Variants in SNX18 observed in about 807,000 individuals in gnomAD.
SNX18 encodes the protein sorting nexin 18.
SNX18 carries 35 observed loss-of-function variants against 48.7 expected under a neutral mutation model. The observed-to-expected ratio is 0.72, with a 90% CI of 0.55 to 0.95. The LOEUF (loss-of-function observed/expected upper bound fraction) is 0.95. Among genes scored for constraint, SNX18 ranks in the 40% least tolerant of loss-of-function variants. The pLI, the probability that SNX18 is intolerant of heterozygous loss-of-function variation, is 0.00. For missense variants in SNX18, 824 were observed against 871.0 expected, an observed-to-expected ratio of 0.95 and a Z score of 0.68; for synonymous variants, 492 against 384.7, an observed-to-expected ratio of 1.28 and a Z score of -3.26.
At position 54,545,464 on chromosome 5, in the gene SNX18, A is replaced by G. The variant is rs1189595182; in HGVS notation, c.*2032A>G. On this transcript the variant is annotated 3_prime_UTR_variant, in exon 2 of 2. Coordinates refer to ENST00000381410, the MANE Select transcript of SNX18 (RefSeq NM_001102575.2). ...AAACTTGTGCAATGGTAGCATGGAA[A>G]TTATCTGAGGTATATTGTATGATTG... 6 of 151,888 alleles carry G rather than the reference A, an allele frequency of 4.0e-5. No homozygotes were observed. Among genetic ancestry groups the G allele is most frequent in the Non-Finnish European group, 5.9e-5 (4 of 67,966 alleles). 9.4% of individuals were successfully genotyped at this position (151,888 alleles called of 1,614,324 possible).
chr5:54,547,669 G>T (rs750901834), downstream of SNX18, among the ~76,000 whole-genome samples: 2 of 152,216 alleles, frequency 1.3e-5, no homozygotes, highest in Non-Finnish European at 2.9e-5. Flanking sequence ...AGACTGGGAA[G>T]CATGCCAGAT....
At chr5:54,558,156 C>T in the SNX18 span, among the ~76,000 whole-genome samples, 6 of 152,200 alleles carry the variant, frequency 3.9e-5, no homozygotes, top group African/African-American at 1.4e-4. Flanking sequence ...CCCAACTTGT[C>T]TTTCTCCTGT....
At chr5:54,586,732 A>C in the SNX18 span, among the ~76,000 whole-genome samples, 1 of 152,188 alleles carries the variant, frequency 6.6e-6, no homozygotes, top group East Asian at 1.9e-4. Context: ...TTGAATTTCA[A>C]CATGAGTTTT....
intron 1 of SNX18, among the ~76,000 whole-genome samples, chr5:54,526,417 G>A (rs1762133163): frequency 6.6e-6 from 1 of 152,012 alleles, no homozygotes; most frequent in Non-Finnish European, 1.5e-5. Context: ...CTCTGATATT[G>A]ATCTTATAGC....
the SNX18 span, among the ~76,000 whole-genome samples, chr5:54,626,196 TTC>T: frequency 6.6e-6 from 1 of 152,208 alleles, no homozygotes; most frequent in African/African-American, 2.4e-5. Context: ...TTTTAAAAAT[TTC>T]TGTCTAGTAA....
the SNX18 span, among the ~76,000 whole-genome samples, chr5:54,575,616 G>T: frequency 1.3e-5 from 2 of 151,768 alleles, no homozygotes; most frequent in Non-Finnish European, 1.5e-5. Flanking sequence ...TGCCCGCCTC[G>T]GCCTCCCAAA....
intron 1 of SNX18, among the ~76,000 whole-genome samples, chr5:54,534,274 G>C (rs1762309464): frequency 1.3e-5 from 2 of 150,482 alleles, no homozygotes; most frequent in Admixed American, 6.6e-5. Flanking sequence ...GTAGCCTTTG[G>C]ATTCCTGTTG....
At chr5:54,521,437 GCCTGTAAT>G (rs1421179759) in intron 1 of SNX18, among the ~76,000 whole-genome samples, 1 of 152,168 alleles carries the variant, frequency 6.6e-6, no homozygotes. Context: ...CCAGGGTCAC[GCCTGTAAT>G]CCCAGCATTT....
chr5:54,629,984 C>G, the SNX18 span, among the ~76,000 whole-genome samples: 1 of 152,198 alleles, frequency 6.6e-6, no homozygotes, highest in South Asian at 2.1e-4. Flanking sequence ...TTATTGAGCT[C>G]TTATCATATT....
chr5:54,647,150 T>C, the SNX18 span, among the ~76,000 whole-genome samples: 1 of 152,236 alleles, frequency 6.6e-6, no homozygotes, highest in Admixed American at 6.5e-5. Context: ...TTTAACAATA[T>C]AGTGTTCTGA....
rs1184067569 is a variant in SNX18 at position 54,519,550 on chromosome 5, C to T, written c.1598C>T (p.Pro533Leu). Reference protein sequence around the residue: ...ALYQGHLANFPDIIHVQKGAL... With the variant: ...ALYQGHLANFLDIIHVQKGAL... ...TATCAGGGGCATCTGGCTAACTTCC[C>T]GGACATCATCCACGTTCAGAAAGGT... Residue 533 changes from proline (P) to leucine (L), a missense_variant, in exon 1 of 2, where the codon CCG becomes CTG. By Grantham distance (98) the Pro-to-Leu change is moderately conservative. Coordinates refer to ENST00000381410, the MANE Select transcript of SNX18 (RefSeq NM_001102575.2). 2.5e-6 allele frequency: 4 copies of T among 1,614,098 alleles called. No homozygotes were observed. The highest frequency in any genetic ancestry group is 3.4e-6 in the Non-Finnish European group (4 of 1,180,052).
intron 1 of SNX18, among the ~76,000 whole-genome samples, chr5:54,522,941 G>A (rs1329379934): frequency 6.6e-6 from 1 of 152,182 alleles, no homozygotes; most frequent in African/African-American, 2.4e-5. Flanking sequence ...ATCAACGGAT[G>A]GAGTCTAACT....
the SNX18 span, among the ~76,000 whole-genome samples, chr5:54,629,787 C>T: frequency 6.6e-6 from 1 of 152,150 alleles, no homozygotes; most frequent in African/African-American, 2.4e-5. Flanking sequence ...GTGGATATCT[C>T]GTCTTTCTTA....
the SNX18 span, among the ~76,000 whole-genome samples, chr5:54,587,827 C>A: frequency 6.6e-6 from 1 of 152,188 alleles, no homozygotes; most frequent in Non-Finnish European, 1.5e-5. Flanking sequence ...ACCAAAATCC[C>A]CAATATTTTT....
At chr5:54,607,722 C>T in the SNX18 span, among the ~76,000 whole-genome samples, 4 of 152,066 alleles carry the variant, frequency 2.6e-5, no homozygotes, top group Admixed American at 6.6e-5. Context: ...CACTTGATGT[C>T]GGGAGTTCGC....
chr5:54,582,625 AC>A, the SNX18 span, among the ~76,000 whole-genome samples: 6 of 151,982 alleles, frequency 3.9e-5, no homozygotes, highest in East Asian at 5.8e-4. Context: ...AAACAAAAAA[AC>A]AACAACAAAA....
In SNX18 at chr5:54,533,739, CTG is replaced by C. The variant is rs1423143788; in HGVS notation, c.1622-9437_1622-9436del. Among the ~76,000 whole-genome samples the C allele has an allele frequency of 5.3e-5, 8 of 152,308 alleles. No homozygotes were observed. In the South Asian group the frequency reaches 1.7e-3, roughly 32 times the overall value. ...AGGTGTGCACAGTGCAGGCGCTTCT[CTG>C]TGATGATCAAGTGGCTGGACGGCTG... On this transcript the variant is annotated intron_variant, in intron 1 of 1. Transcript: ENST00000381410.
At chr5:54,612,591 A>G in the SNX18 span, among the ~76,000 whole-genome samples, 3 of 152,248 alleles carry the variant, frequency 2.0e-5, no homozygotes, top group East Asian at 3.9e-4. Context: ...CTTGGATTTT[A>G]TCGGCATACG....
chr5:54,562,696 G>C, the SNX18 span, among the ~76,000 whole-genome samples: 2 of 152,150 alleles, frequency 1.3e-5, no homozygotes, highest in Admixed American at 1.3e-4. Context: ...TATGTTTACC[G>C]GTTTATGTAT....
Sources: allele counts gnomAD v4.1 joint callset (sites outside exome capture counted in the v4.1 genomes callset), GRCh38; gene constraint gnomAD v4.1.1; transcripts MANE v1.5; gene names NCBI Gene and HGNC (gene_info 2026-07-23, HGNC 2026-07-21).